Variants in ZNF91 observed in about 807,000 individuals in gnomAD.
ZNF91 encodes the protein zinc finger protein 91, also known as zinc finger protein 91 (HPF7, HTF10).
A neutral mutation model predicts 12.6 loss-of-function variants in ZNF91; 7 were observed. The observed-to-expected ratio is 0.55, with a 90% CI of 0.31 to 1.04. ZNF91 has a LOEUF of 1.04. ZNF91 is among the 50% of genes least tolerant of loss of function. ZNF91 has a pLI of 0.05. For synonymous variants in ZNF91, 453 were observed against 462.6 expected (o/e 0.98, Z 0.27); for missense variants, 1,217 against 1,385.4 (o/e 0.88, Z 1.93).
At chr19:23,387,458 T>A (rs1969908479) in intron 1 of ZNF91, among the ~76,000 whole-genome samples, 1 of 152,222 alleles carries the variant, frequency 6.6e-6, no homozygotes, top group African/African-American at 2.4e-5. Context: ...GGCTCATGCC[T>A]GTAATCCCAG....
chr19:23,362,385 G>A lies in ZNF91; in HGVS notation c.594C>T (p.Thr198=), dbSNP rs1968836562. The part of the protein sequence containing the change: ...VKSFCIRLHK[T]QHKCVYITEK... Reference sequence around the variant, plus strand: ...CTGTAATATAAACGCATTTATGTTGGGTTTTGTGTAAACGGATGCAAAATG... The same window carrying A: ...CTGTAATATAAACGCATTTATGTTGAGTTTTGTGTAAACGGATGCAAAATG... The change falls in exon 4 of 4, where the codon ACC becomes ACT. Residue 198 remains threonine (T), a synonymous_variant. Coordinates refer to ENST00000300619, the MANE Select transcript of ZNF91 (RefSeq NM_003430.4). 6.2e-7 allele frequency: 1 copy of A among 1,613,654 alleles called. No individual in the cohort carries two copies. The highest frequency in any genetic ancestry group is 8.5e-7 in the Non-Finnish European group (1 of 1,179,916).
chr19:23,354,579 C>G (rs1968442842), downstream of ZNF91, among the ~76,000 whole-genome samples: 1 of 152,142 alleles, frequency 6.6e-6, no homozygotes, highest in Admixed American at 6.5e-5. Context: ...GATGCCCACT[C>G]TCACTACTCC....
At chr19:23,374,265 T>C (rs1969412866) in intron 2 of ZNF91, among the ~76,000 whole-genome samples, 1 of 150,844 alleles carries the variant, frequency 6.6e-6, no homozygotes, top group African/African-American at 2.4e-5. Flanking sequence ...GAAAACATTC[T>C]ACAAAACAGA....
At chr19:23,368,558 C>CTATATATATATA (rs1392705570) in intron 3 of ZNF91, among the ~76,000 whole-genome samples, 16 of 121,902 alleles carry the variant, frequency 1.3e-4, no homozygotes, top group African/African-American at 4.9e-4. Context: ...CTCTCTCTCT[C>CTATATATATATA]TCTCTATATA....
chr19:23,385,953 C>A (rs1027136325), intron 1 of ZNF91, among the ~76,000 whole-genome samples: 4 of 151,898 alleles, frequency 2.6e-5, no homozygotes, highest in African/African-American at 4.8e-5. Flanking sequence ...TTTTTACATG[C>A]CTTTGGAAAA....
intron 1 of ZNF91, among the ~76,000 whole-genome samples, chr19:23,392,736 T>G (rs1269472206): frequency 6.6e-6 from 1 of 151,982 alleles, no homozygotes; most frequent in African/African-American, 2.4e-5. Context: ...GAGGCAGAGG[T>G]TGCAGTGAGC....
intron 1 of ZNF91, among the ~76,000 whole-genome samples, chr19:23,322,212 A>T (rs558440163): frequency 6.6e-6 from 1 of 152,274 alleles, no homozygotes; most frequent in Admixed American, 6.5e-5. Flanking sequence ...GCATTGTGCC[A>T]TATCTCTGGG....
At chr19:23,385,006 T>G in intron 1 of ZNF91, 1 of 1,214,634 alleles carries the variant, frequency 8.2e-7, no homozygotes, top group Non-Finnish European at 1.2e-6. Context: ...AAGCAGTCTG[T>G]TGGAGAACGG....
intron 1 of ZNF91, chr19:23,326,208 AGTCT>A (rs1228142857): frequency 2.0e-5 from 3 of 152,112 alleles, no homozygotes; most frequent in East Asian, 1.9e-4. Flanking sequence ...CCATCTATCA[AGTCT>A]GTCTGCTGTA....
intron 3 of ZNF91, among the ~76,000 whole-genome samples, chr19:23,347,774 T>C (rs1485827024): frequency 6.6e-6 from 1 of 152,152 alleles, no homozygotes; most frequent in Non-Finnish European, 1.5e-5. Context: ...CACCCCACAG[T>C]TCCCTTTGGC....
At chr19:23,388,575 G>A (rs79153976) in intron 1 of ZNF91, among the ~76,000 whole-genome samples, 7,140 of 152,052 alleles carry the variant, frequency 0.047, 280 homozygotes, top group Non-Finnish European at 0.067. Context: ...ATTATTCTTG[G>A]AAAACCAATG....
At position 23,395,425 on chromosome 19, in the gene ZNF91, CAG is replaced by C; in HGVS notation, c.-73_-72del. 1.9e-6 allele frequency: 3 copies of C among 1,585,836 alleles called. No homozygotes were observed. Among genetic ancestry groups the C allele is most frequent in the South Asian group, 2.2e-5 (2 of 89,872 alleles). On this transcript the variant is annotated 5_prime_UTR_variant, in exon 1 of 4. Coordinates refer to ENST00000300619, the MANE Select transcript of ZNF91 (RefSeq NM_003430.4). The stretch of plus-strand genomic sequence containing the variant: ...GCTGGGCCTCCTGGAGCAGAGGACA[CAG>C]AGCAGTGAAGTCGAGACCTGGAAAC...
At chr19:23,342,318 C>T (rs1243809957) in intron 3 of ZNF91, 7 of 399,498 alleles carry the variant, frequency 1.8e-5, no homozygotes, top group Non-Finnish European at 3.2e-5. Flanking sequence ...AGTTACCAAC[C>T]TAGTACTATG....
chr19:23,386,544 T>C (rs905097850), intron 1 of ZNF91, among the ~76,000 whole-genome samples: 28 of 152,006 alleles, frequency 1.8e-4, no homozygotes, highest in Admixed American at 2.6e-4. Flanking sequence ...AAAGTAACAA[T>C]AGAAATGTGG....
At chr19:23,351,112 G>A (rs1305295473) in intron 3 of ZNF91, among the ~76,000 whole-genome samples, 1 of 152,100 alleles carries the variant, frequency 6.6e-6, no homozygotes, top group East Asian at 1.9e-4. Context: ...GATCACCTGA[G>A]GTCAGGAGTT....
chr19:23,368,316 A>G (rs1599733985), intron 3 of ZNF91, among the ~76,000 whole-genome samples: 1 of 151,980 alleles, frequency 6.6e-6, no homozygotes, highest in East Asian at 2.0e-4. Context: ...TCAAGACCAG[A>G]CCAGCCTGAA....
intron 1 of ZNF91, among the ~76,000 whole-genome samples, chr19:23,331,606 T>C (rs1967929555): frequency 6.6e-6 from 1 of 152,230 alleles, no homozygotes; most frequent in African/African-American, 2.4e-5. Flanking sequence ...TCTTCTCCGT[T>C]TCTCATGGAT....
intron 1 of ZNF91, among the ~76,000 whole-genome samples, chr19:23,317,242 G>A (rs916455414): frequency 2.6e-5 from 4 of 151,990 alleles, no homozygotes; most frequent in Non-Finnish European, 5.9e-5. Context: ...TAGAGACGGG[G>A]TTTCACCGTC....
chr19:23,386,718 A>G (rs1241654347), intron 1 of ZNF91, among the ~76,000 whole-genome samples: 1 of 152,220 alleles, frequency 6.6e-6, no homozygotes, highest in Non-Finnish European at 1.5e-5. Context: ...AAGATAACCA[A>G]AGAAATACCA....
Sources: gnomAD v4.1 joint callset for allele counts (sites outside exome capture counted in the v4.1 genomes callset) on GRCh38, gnomAD v4.1.1 for gene constraint, MANE v1.5 for transcripts, NCBI Gene and HGNC (gene_info 2026-07-23, HGNC 2026-07-21) for gene names.